FER: variants seen among roughly 807,000 people sequenced by gnomAD.
FER encodes the protein FER tyrosine kinase.
FER carries 63 observed loss-of-function variants against 111.0 expected under a neutral mutation model. The observed-to-expected ratio is 0.57, with a 90% CI of 0.46 to 0.70. The LOEUF is 0.70. Ranked by LOEUF, FER falls within the 30% of genes least tolerant of loss-of-function variation. The pLI, the probability that FER is intolerant of heterozygous loss-of-function variation, is 0.00. For missense variants in FER, 914 were observed against 954.0 expected, an observed-to-expected ratio of 0.96 and a Z score of 0.55; for synonymous variants, 327 against 313.9, an observed-to-expected ratio of 1.04 and a Z score of -0.44.
At chr5:108,915,588 CTT>C (rs562817580) in intron 10 of FER, among the ~76,000 whole-genome samples, 3 of 144,040 alleles carry the variant, frequency 2.1e-5, no homozygotes, top group Non-Finnish European at 3.1e-5. Flanking sequence ...CCACAAAGGA[CTT>C]TTTTTTTTTT....
At chr5:109,139,723 GA>G (rs1207138498) in intron 17 of FER, among the ~76,000 whole-genome samples, 2 of 151,896 alleles carry the variant, frequency 1.3e-5, no homozygotes, top group East Asian at 3.9e-4. Flanking sequence ...GTTAATATGG[GA>G]ACACACATTT....
intron 13 of FER, among the ~76,000 whole-genome samples, chr5:109,017,116 T>C (rs1384953259): frequency 4.6e-5 from 7 of 152,154 alleles, no homozygotes; most frequent in Admixed American, 6.6e-5. Context: ...CTTATTTCTA[T>C]TGCATAGTTA....
At chr5:108,998,269 C>G (rs1225863749) in intron 13 of FER, among the ~76,000 whole-genome samples, 1 of 151,966 alleles carries the variant, frequency 6.6e-6, no homozygotes, top group Non-Finnish European at 1.5e-5. Context: ...ACTCAGGGCC[C>G]TCGTTGCCTA....
chr5:109,089,580 T>A (rs1777934419), intron 16 of FER, among the ~76,000 whole-genome samples: 1 of 152,144 alleles, frequency 6.6e-6, no homozygotes, highest in Non-Finnish European at 1.5e-5. Context: ...TTAATAGCAA[T>A]GTATGGATTA....
intron 5 of FER, among the ~76,000 whole-genome samples, chr5:108,849,344 C>T (rs116302538): frequency 9.3e-4 from 141 of 151,950 alleles, no homozygotes; most frequent in South Asian, 2.1e-3. Context: ...ATTTTTTTCC[C>T]CTTGTCTTTT....
intron 13 of FER, among the ~76,000 whole-genome samples, chr5:108,964,644 G>A (rs1759570521): frequency 6.6e-6 from 1 of 152,096 alleles, no homozygotes. Flanking sequence ...CATCTTAAAA[G>A]GCCAGTTTTT....
chr5:108,783,107 T>A (rs1366769784), intron 2 of FER, among the ~76,000 whole-genome samples: 1 of 152,114 alleles, frequency 6.6e-6, no homozygotes, highest in Non-Finnish European at 1.5e-5. Flanking sequence ...AAATGTTGGA[T>A]CTTTTGTTGT....
At position 109,091,559 on chromosome 5, in the gene FER, C is replaced by G. The variant is rs192449970; in HGVS notation, c.1925-8837C>G. Among the ~76,000 whole-genome samples the G allele has an allele frequency of 5.9e-5, 9 of 152,276 alleles. No individual in the cohort carries two copies. In the East Asian group the frequency reaches 1.5e-3, roughly 26 times the overall value. On this transcript the variant is annotated intron_variant, in intron 16 of 19. Coordinates refer to ENST00000281092, the MANE Select transcript of FER (RefSeq NM_005246.4). ...GAGCAATGCCTAGCAGTCAGGGGCT[C>G]AGTGCTACTCCTAAAACCCCAGACC...
chr5:109,120,863 A>T (rs1678586622), intron 17 of FER, among the ~76,000 whole-genome samples: 3 of 152,066 alleles, frequency 2.0e-5, no homozygotes, highest in African/African-American at 7.2e-5. Flanking sequence ...GCTGTTGTAA[A>T]TGAAACTACT....
intron 13 of FER, among the ~76,000 whole-genome samples, chr5:109,020,671 C>A (rs1403786362): frequency 6.6e-6 from 1 of 151,986 alleles, no homozygotes; most frequent in Admixed American, 6.6e-5. Flanking sequence ...CCCTTGTGAA[C>A]TTTTGGCACA....
chr5:108,843,327 A>G (rs1028765918), intron 5 of FER, among the ~76,000 whole-genome samples: 1 of 152,196 alleles, frequency 6.6e-6, no homozygotes, highest in Non-Finnish European at 1.5e-5. Context: ...AAGGTCTCAG[A>G]TGATCCTTAT....
At position 109,194,499 on chromosome 5, in the gene FER, C is replaced by A. The variant is rs1221979309; in HGVS notation, c.*6924C>A. 1 of 152,166 alleles carries A rather than the reference C, an allele frequency of 6.6e-6. No individual in the cohort carries two copies. The highest frequency in any genetic ancestry group is 2.4e-5 in the African/African-American group (1 of 41,430). The allele number at this position is 152,166 out of a possible 1,614,324, so 9.4% of individuals were successfully genotyped here. Reference sequence around the variant, plus strand: ...AGAATAAGCACGTTGTAAATAGTATCCAAAGCAGATTCTAAAATGACATAG... The same window carrying A: ...AGAATAAGCACGTTGTAAATAGTATACAAAGCAGATTCTAAAATGACATAG... On this transcript the variant is annotated 3_prime_UTR_variant, in exon 20 of 20. Transcript: ENST00000281092.
intron 17 of FER, among the ~76,000 whole-genome samples, chr5:109,124,462 A>C (rs957572393): frequency 1.3e-5 from 2 of 152,218 alleles, no homozygotes; most frequent in African/African-American, 4.8e-5. Context: ...ATTGCCCAGA[A>C]TGGCTTTGTG....
At chr5:109,113,769 T>C (rs1469281405) in intron 17 of FER, among the ~76,000 whole-genome samples, 3 of 152,168 alleles carry the variant, frequency 2.0e-5, no homozygotes. Context: ...ATCTTAACTT[T>C]TTGCAGCACA....
intron 1 of FER, among the ~76,000 whole-genome samples, chr5:108,766,815 C>A (rs1023744676): frequency 6.6e-6 from 1 of 152,018 alleles, no homozygotes; most frequent in African/African-American, 2.4e-5. Context: ...TTATGATAAA[C>A]CAGGAAGTTG....
intron 5 of FER, among the ~76,000 whole-genome samples, chr5:108,865,675 C>T (rs1423707258): frequency 6.6e-6 from 1 of 151,926 alleles, no homozygotes. Flanking sequence ...AAAATTTTTG[C>T]AATCTACTCA....
chr5:109,036,472 C>G (rs1191791257), intron 13 of FER, among the ~76,000 whole-genome samples: 1 of 152,032 alleles, frequency 6.6e-6, no homozygotes, highest in East Asian at 1.9e-4. Flanking sequence ...TTCAAGATGT[C>G]TGATTACTTG....
chr5:109,120,111 C>T (rs1397078086), intron 17 of FER, among the ~76,000 whole-genome samples: 1 of 152,030 alleles, frequency 6.6e-6, no homozygotes, highest in Non-Finnish European at 1.5e-5. Context: ...AGCTTTTTAA[C>T]TTCATTTGAT....
At chr5:108,978,328 C>T (rs1761632930) in intron 13 of FER, among the ~76,000 whole-genome samples, 1 of 152,136 alleles carries the variant, frequency 6.6e-6, no homozygotes, top group South Asian at 2.1e-4. Context: ...CCAGTTGTTT[C>T]TCCTGACAAT....
Sources: allele counts gnomAD v4.1 joint callset (sites outside exome capture counted in the v4.1 genomes callset), GRCh38; gene constraint gnomAD v4.1.1; transcripts MANE v1.5; gene names NCBI Gene and HGNC (gene_info 2026-07-23, HGNC 2026-07-21).